SOX5: variants seen among roughly 807,000 people sequenced by gnomAD.
SOX5 encodes SRY-box transcription factor 5.
A neutral mutation model predicts 92.0 loss-of-function variants in SOX5; 9 were observed. That is an observed-to-expected ratio of 0.10 (90% CI 0.06 to 0.17). The LOEUF (loss-of-function observed/expected upper bound fraction) is 0.17. SOX5 is among the 10% of genes least tolerant of loss of function. The pLI, the probability that SOX5 is intolerant of heterozygous loss-of-function variation, is 1.00. For synonymous variants in SOX5, 344 were observed against 336.3 expected, an observed-to-expected ratio of 1.02 and a Z score of -0.25; for missense variants, 642 against 944.5, an observed-to-expected ratio of 0.68 and a Z score of 4.20.
At chr12:24,457,586 T>G (rs1943159049) in intron 1 of SOX5, among the ~76,000 whole-genome samples, 1 of 152,208 alleles carries the variant, frequency 6.6e-6, no homozygotes, top group African/African-American at 2.4e-5. Flanking sequence ...TTCTAGTATT[T>G]GTAGTTTTAT....
intron 1 of SOX5, among the ~76,000 whole-genome samples, chr12:24,402,915 T>A (rs897415856): frequency 6.6e-6 from 1 of 152,172 alleles, no homozygotes; most frequent in Non-Finnish European, 1.5e-5. Context: ...TAACTTCTAA[T>A]CCGTCTATCC....
intron 8 of SOX5, among the ~76,000 whole-genome samples, chr12:23,635,128 A>G (rs989464246): frequency 6.6e-6 from 1 of 152,196 alleles, no homozygotes; most frequent in African/African-American, 2.4e-5. Flanking sequence ...ACTTTAAGCC[A>G]GACTTAAGAC....
At chr12:23,746,357 A>G (rs538056210) in intron 4 of SOX5, among the ~76,000 whole-genome samples, 167 of 152,328 alleles carry the variant, frequency 1.1e-3, no homozygotes, top group African/African-American at 2.3e-3. Context: ...TTTAAGAGTC[A>G]TAACTTATAT....
chr12:24,260,189 T>A (rs946397510), intron 3 of SOX5, among the ~76,000 whole-genome samples: 3 of 152,146 alleles, frequency 2.0e-5, no homozygotes, highest in Non-Finnish European at 2.9e-5. Context: ...ACAGGCACAC[T>A]GGAGAAGAGC....
intron 4 of SOX5, chr12:24,212,616 G>C (rs1958751609): frequency 2.5e-6 from 1 of 395,648 alleles, no homozygotes; most frequent in Non-Finnish European, 5.0e-6. Flanking sequence ...CACTTCCCTG[G>C]ACCCAGGAAT....
chr12:23,726,573 C>T (rs2093146766), intron 6 of SOX5, among the ~76,000 whole-genome samples: 2 of 152,078 alleles, frequency 1.3e-5, no homozygotes, highest in Non-Finnish European at 1.5e-5. Flanking sequence ...TGTTGACTTG[C>T]TTTGTTTTGT....
At chr12:24,229,321 G>A (rs144406759) in intron 3 of SOX5, among the ~76,000 whole-genome samples, 1 of 152,318 alleles carries the variant, frequency 6.6e-6, no homozygotes, top group East Asian at 1.9e-4. Flanking sequence ...TCATTGCCAA[G>A]TGTCGAACTG....
chr12:23,774,512 A>AT (rs1253644266), intron 3 of SOX5, among the ~76,000 whole-genome samples: 2 of 152,166 alleles, frequency 1.3e-5, no homozygotes, highest in Non-Finnish European at 2.9e-5. Context: ...GCTGAGTCAA[A>AT]TTTTTTGTAC....
chr12:23,994,655 G>T (rs1950871156), intron 4 of SOX5, among the ~76,000 whole-genome samples: 1 of 152,140 alleles, frequency 6.6e-6, no homozygotes, highest in South Asian at 2.1e-4. Flanking sequence ...GTGGGGGCCA[G>T]AGTGGGGCGT....
intron 3 of SOX5, among the ~76,000 whole-genome samples, chr12:24,235,886 T>C (rs1964385313): frequency 6.6e-6 from 1 of 152,154 alleles, no homozygotes; most frequent in African/African-American, 2.4e-5. Context: ...TGATCCATTC[T>C]GGCAGTAATA....
chr12:23,893,585 T>A (rs2097149899), intron 2 of SOX5, among the ~76,000 whole-genome samples: 1 of 152,220 alleles, frequency 6.6e-6, no homozygotes. Context: ...CATCTTCCAT[T>A]TATCTTTCTG....
At chr12:23,955,746 T>TAA (rs35081092), upstream of SOX5, among the ~76,000 whole-genome samples, 1 of 143,790 alleles carries the variant, frequency 7.0e-6, no homozygotes, top group African/African-American at 2.6e-5. Context: ...TTCTTTTGAG[T>TAA]AAAAAAAAAA....
intron 8 of SOX5, among the ~76,000 whole-genome samples, chr12:23,627,453 C>G (rs1007161675): frequency 2.6e-5 from 4 of 152,120 alleles, no homozygotes; most frequent in African/African-American, 9.6e-5. Context: ...ATAATTTCTG[C>G]ATCCAAGAAA....
intron 1 of SOX5, among the ~76,000 whole-genome samples, chr12:24,477,517 T>C (rs1189365291): frequency 1.3e-5 from 2 of 152,282 alleles, no homozygotes; most frequent in East Asian, 3.9e-4. Flanking sequence ...CACCTGAATG[T>C]TGAAAATGGC....
At chr12:23,586,395 A>C (rs1345314189) in intron 9 of SOX5, among the ~76,000 whole-genome samples, 1 of 152,102 alleles carries the variant, frequency 6.6e-6, no homozygotes, top group African/African-American at 2.4e-5. Context: ...ATTTTAAGGC[A>C]ATGTAAGTGA....
intron 9 of SOX5, among the ~76,000 whole-genome samples, chr12:23,576,560 T>G (rs1949137055): frequency 6.6e-6 from 1 of 152,208 alleles, no homozygotes; most frequent in African/African-American, 2.4e-5. Context: ...TGGTTTCTCT[T>G]ATACTATATG....
chr12:23,657,801 C>T (rs2082501022), intron 7 of SOX5, among the ~76,000 whole-genome samples: 1 of 152,104 alleles, frequency 6.6e-6, no homozygotes, highest in South Asian at 2.1e-4. Flanking sequence ...ATCACTCTTT[C>T]CATCTTATGT....
chr12:23,653,076 G>GTGGA (rs1485966049), intron 7 of SOX5, among the ~76,000 whole-genome samples: 8 of 76,012 alleles, frequency 1.1e-4, no homozygotes, highest in African/African-American at 3.4e-4. Context: ...GGATGGATGG[G>GTGGA]TGGATGGATG....
At chr12:24,450,657 G>A (rs769684121) in intron 1 of SOX5, among the ~76,000 whole-genome samples, 6 of 151,994 alleles carry the variant, frequency 3.9e-5, no homozygotes, top group South Asian at 2.1e-4. Context: ...ACCACACCTG[G>A]CTTTTTGTAT....
Sources: allele counts gnomAD v4.1 joint callset (sites outside exome capture counted in the v4.1 genomes callset), GRCh38; gene constraint gnomAD v4.1.1; transcripts MANE v1.5; gene names NCBI Gene and HGNC (gene_info 2026-07-23, HGNC 2026-07-21).